The following ATP8B4 variants were observed in gnomAD, a reference collection of about 807,000 sequenced individuals.
ATP8B4 encodes probable phospholipid-transporting ATPase IM.
ATP8B4 carries 133 observed loss-of-function variants against 145.6 expected under a neutral mutation model. The ratio of observed to expected loss-of-function variants is 0.91; its 90% CI spans 0.79 to 1.05. The LOEUF is 1.05. Among genes scored for constraint, ATP8B4 ranks in the 50% least tolerant of loss-of-function variants. The pLI is 0.00. For missense variants in ATP8B4, 1,458 were observed against 1,425.2 expected, an observed-to-expected ratio of 1.02 and a Z score of -0.37; for synonymous variants, 507 against 492.9, an observed-to-expected ratio of 1.03 and a Z score of -0.38.
At chr15:49,950,113 G>T (rs971929838) in intron 14 of ATP8B4, among the ~76,000 whole-genome samples, 1 of 152,130 alleles carries the variant, frequency 6.6e-6, no homozygotes, top group Non-Finnish European at 1.5e-5. Flanking sequence ...ATATTGGCCT[G>T]AAGTTTTCTT....
chr15:49,941,057 T>C (rs1356089095), intron 14 of ATP8B4, among the ~76,000 whole-genome samples: 1 of 151,704 alleles, frequency 6.6e-6, no homozygotes, highest in African/African-American at 2.4e-5. Context: ...GCAACCAAAC[T>C]GGGAAAAGAA....
intron 20 of ATP8B4, chr15:49,901,765 G>A (rs762881130): frequency 2.5e-6 from 1 of 400,622 alleles, no homozygotes; most frequent in African/African-American, 2.1e-5. Flanking sequence ...AATTTAACAA[G>A]AAGAAAAATG....
At chr15:49,860,920 C>G (rs868031394) in intron 27 of ATP8B4, among the ~76,000 whole-genome samples, 7 of 152,084 alleles carry the variant, frequency 4.6e-5, no homozygotes, top group Non-Finnish European at 8.8e-5. Context: ...CAGAAATATT[C>G]AATTCTTGTG....
chr15:49,996,846 C>A, intron 8 of ATP8B4, 87 bp from the exon 9 acceptor site: 2 of 953,594 alleles, frequency 2.1e-6, no homozygotes, highest in Non-Finnish European at 3.2e-6. Context: ...GTAGCACATG[C>A]AAAGCCAAAC....
intron 1 of ATP8B4, among the ~76,000 whole-genome samples, chr15:50,113,838 CAAAAAAAAA>C (rs67648465): frequency 3.3e-4 from 22 of 67,274 alleles, no homozygotes; most frequent in African/African-American, 1.4e-3. Context: ...AACTCCATCT[CAAAAAAAAA>C]AAAAAAAAAA....
chr15:49,962,863 C>T (rs1320291443), intron 13 of ATP8B4, among the ~76,000 whole-genome samples: 1 of 152,016 alleles, frequency 6.6e-6, no homozygotes, highest in Non-Finnish European at 1.5e-5. Context: ...TATTGTGAGT[C>T]ATTAATTTTT....
chr15:50,003,902 G>T (rs2048104216), intron 7 of ATP8B4, among the ~76,000 whole-genome samples: 1 of 152,128 alleles, frequency 6.6e-6, no homozygotes, highest in Non-Finnish European at 1.5e-5. Context: ...TGTGACTGAG[G>T]CGCCACTGCC....
At chr15:49,966,838 C>T (rs140508630) in intron 13 of ATP8B4, among the ~76,000 whole-genome samples, 1 of 152,190 alleles carries the variant, frequency 6.6e-6, no homozygotes, top group Non-Finnish European at 1.5e-5. Flanking sequence ...CATCTCCCAG[C>T]GGAGGTCGAC....
chr15:50,093,005 T>C (rs1225116314), intron 2 of ATP8B4, among the ~76,000 whole-genome samples: 1 of 152,048 alleles, frequency 6.6e-6, no homozygotes, highest in African/African-American at 2.4e-5. Flanking sequence ...GATTGTCACC[T>C]TACTTTTCAA....
intron 1 of ATP8B4, among the ~76,000 whole-genome samples, chr15:50,147,733 T>C (rs867681804): frequency 1.2e-4 from 19 of 152,136 alleles, no homozygotes; most frequent in African/African-American, 4.6e-4. Flanking sequence ...ACATTGAATT[T>C]TTTGAAAATT....
At chr15:49,894,431 T>C (rs949866907) in intron 23 of ATP8B4, among the ~76,000 whole-genome samples, 3 of 152,174 alleles carry the variant, frequency 2.0e-5, no homozygotes, top group African/African-American at 4.8e-5. Context: ...TATTTTTATA[T>C]GGTGATTGCT....
At chr15:49,874,920 AT>A (rs1215796554) in intron 25 of ATP8B4, among the ~76,000 whole-genome samples, 2 of 152,236 alleles carry the variant, frequency 1.3e-5, no homozygotes, top group Non-Finnish European at 2.9e-5. Context: ...TAAAGTTAAT[AT>A]AAAAACATGG....
chr15:50,106,868 A>T lies in ATP8B4; in HGVS notation c.28+71T>A, dbSNP rs2056707029. On this transcript the variant is annotated intron_variant, in intron 2 of 27. Coordinates refer to ENST00000284509, the MANE Select transcript of ATP8B4 (RefSeq NM_024837.4). Reference sequence around the variant, plus strand: ...TGTGTGCTTTTTATATATAAATTAAACTTCCATGAAAAAATTAAAATTATA... The same window carrying T: ...TGTGTGCTTTTTATATATAAATTAATCTTCCATGAAAAAATTAAAATTATA... 3 of 1,450,004 alleles carry T rather than the reference A, an allele frequency of 2.1e-6. No homozygotes were observed. The African/African-American group carries it at 4.4e-5, about 21-fold the overall frequency. The allele number at this position is 1,450,004 out of a possible 1,614,324, so 89.8% of individuals were successfully genotyped here.
intron 26 of ATP8B4, 36 bp from the exon 27 acceptor site, chr15:49,862,411 C>T (rs1053038025): frequency 1.3e-6 from 2 of 1,593,136 alleles, no homozygotes; most frequent in Admixed American, 1.7e-5. Context: ...ACTGTGGTTA[C>T]AAGTAGGACT....
intron 23 of ATP8B4, among the ~76,000 whole-genome samples, chr15:49,894,208 A>G (rs552626049): frequency 1.3e-5 from 2 of 152,344 alleles, no homozygotes; most frequent in East Asian, 1.9e-4. Flanking sequence ...TCAAGAGCAC[A>G]CTTCTTAACA....
chr15:49,919,760 C>G (rs1364282218), intron 18 of ATP8B4, among the ~76,000 whole-genome samples: 1 of 152,102 alleles, frequency 6.6e-6, no homozygotes, highest in African/African-American at 2.4e-5. Flanking sequence ...TCTCTAGTAC[C>G]TCACAGTGGG....
intron 1 of ATP8B4, among the ~76,000 whole-genome samples, chr15:50,178,844 C>A (rs1362468403): frequency 1.3e-5 from 2 of 152,070 alleles, no homozygotes; most frequent in Admixed American, 6.6e-5. Flanking sequence ...AAATGTCATT[C>A]TTCTATAAAA....
chr15:50,045,936 T>G (rs1009919772), intron 4 of ATP8B4, among the ~76,000 whole-genome samples: 2 of 152,240 alleles, frequency 1.3e-5, no homozygotes, highest in African/African-American at 4.8e-5. Flanking sequence ...GGAAGAAATT[T>G]GGACTCTAAG....
At chr15:49,922,472 C>T (rs1457881799) in intron 17 of ATP8B4, 1 of 401,570 alleles carries the variant, frequency 2.5e-6, no homozygotes, top group African/African-American at 2.1e-5. Context: ...ATGTTTGTAA[C>T]CAATATTACC....
Sources: allele counts gnomAD v4.1 joint callset (sites outside exome capture counted in the v4.1 genomes callset), GRCh38; gene constraint gnomAD v4.1.1; transcripts MANE v1.5; gene names NCBI Gene and HGNC (gene_info 2026-07-23, HGNC 2026-07-21).